KCNK2: variants seen among roughly 807,000 people sequenced by gnomAD.
KCNK2 encodes potassium channel subfamily K member 2.
KCNK2 carries 21 observed loss-of-function variants against 40.5 expected under a neutral mutation model. That is an observed-to-expected ratio of 0.52 (90% CI 0.37 to 0.75). The LOEUF is 0.75. KCNK2 is among the 30% of genes least tolerant of loss of function. The pLI is 0.00. For missense variants in KCNK2, 399 were observed against 531.6 expected, an observed-to-expected ratio of 0.75 and a Z score of 2.45; for synonymous variants, 191 against 202.2, an observed-to-expected ratio of 0.94 and a Z score of 0.47.
At chr1:215,035,145 G>A (rs1224174691) in intron 1 of KCNK2, among the ~76,000 whole-genome samples, 1 of 152,074 alleles carries the variant, frequency 6.6e-6, no homozygotes, top group Non-Finnish European at 1.5e-5. Context: ...ATAGTATCCA[G>A]TAAAAACAAT....
chr1:215,086,712 C>T lies in KCNK2; in HGVS notation c.357+34C>T. 3 of 1,575,938 alleles carry T rather than the reference C, an allele frequency of 1.9e-6. No homozygotes were observed. In the African/African-American group the frequency reaches 4.0e-5, roughly 21 times the overall value. ...ATGGGAGGAGTTGTTACTCTGTTCC[C>T]CCAAATGGGAAATAAAGTGATAGGA... is the stretch of plus-strand genomic sequence containing the variant. On this transcript the variant is annotated intron_variant, in intron 2 of 6. Coordinates refer to ENST00000444842, the MANE Select transcript of KCNK2 (RefSeq NM_001017425.3).
intron 1 of KCNK2, among the ~76,000 whole-genome samples, chr1:215,056,615 C>CTTTTTTTTTT (rs34925678): frequency 1.9e-5 from 2 of 103,978 alleles, no homozygotes; most frequent in East Asian, 2.9e-4. Flanking sequence ...TGTGTCCACT[C>CTTTTTTTTTT]TTTTTTTTTT....
At chr1:215,211,566 GA>G (rs1430099799) in intron 6 of KCNK2, among the ~76,000 whole-genome samples, 4 of 152,192 alleles carry the variant, frequency 2.6e-5, no homozygotes, top group Non-Finnish European at 4.4e-5. Context: ...TCTCTTCCTA[GA>G]AAGTATTTCT....
chr1:215,140,794 T>G (rs940273248), intron 3 of KCNK2, among the ~76,000 whole-genome samples: 6 of 152,138 alleles, frequency 3.9e-5, no homozygotes, highest in Non-Finnish European at 7.4e-5. Flanking sequence ...TCACTTAGGC[T>G]GCACTAAATT....
intron 1 of KCNK2, among the ~76,000 whole-genome samples, chr1:215,071,511 G>A (rs1658756584): frequency 6.6e-6 from 1 of 152,106 alleles, no homozygotes; most frequent in Non-Finnish European, 1.5e-5. Context: ...GCTGTTGCAG[G>A]ACTAGAAACA....
intron 1 of KCNK2, among the ~76,000 whole-genome samples, chr1:215,029,015 G>A (rs12046194): frequency 0.25 from 38,269 of 151,088 alleles, 5,767 homozygotes; most frequent in South Asian, 0.53. Context: ...ATTCACTGAA[G>A]GGTACAGAAA....
rs1666921285 is a variant in KCNK2, at chr1:215,236,911, T to C, written c.*1766T>C. ...CTAGAAATGTAAATATTCAATTAAT[T>C]TGTTAAAAGTACTTTTATAAAGTTA... On this transcript the variant is annotated 3_prime_UTR_variant, in exon 7 of 7. Transcript: ENST00000444842. 6.6e-6 allele frequency: 1 copy of C among 152,482 alleles called. No individual in the cohort carries two copies. The highest frequency in any genetic ancestry group is 1.5e-5 in the Non-Finnish European group (1 of 68,008). 9.4% of individuals were successfully genotyped at this position (152,482 alleles called of 1,614,324 possible).
chr1:215,037,962 AC>A (rs1351419671), intron 1 of KCNK2, among the ~76,000 whole-genome samples: 1 of 151,836 alleles, frequency 6.6e-6, no homozygotes, highest in Non-Finnish European at 1.5e-5. Flanking sequence ...CTTGAGATAT[AC>A]CTTAGGTGGT....
At chr1:215,153,007 T>G (rs946034881) in intron 3 of KCNK2, among the ~76,000 whole-genome samples, 5 of 152,178 alleles carry the variant, frequency 3.3e-5, no homozygotes, top group Non-Finnish European at 7.4e-5. Flanking sequence ...GAACTTCCTA[T>G]TAGTCAAATA....
intron 3 of KCNK2, among the ~76,000 whole-genome samples, chr1:215,145,601 G>A (rs1662380656): frequency 6.6e-6 from 1 of 152,086 alleles, no homozygotes; most frequent in Non-Finnish European, 1.5e-5. Flanking sequence ...AGGACAATTT[G>A]ATGACAGAGG....
At chr1:215,007,224 T>C (rs1006376890) in intron 1 of KCNK2, among the ~76,000 whole-genome samples, 2 of 107,006 alleles carry the variant, frequency 1.9e-5, no homozygotes, top group Non-Finnish European at 3.8e-5. Flanking sequence ...TATATATATA[T>C]ATAGGCTCAT....
intron 2 of KCNK2, among the ~76,000 whole-genome samples, chr1:215,094,678 A>G (rs1339010790): frequency 6.6e-6 from 1 of 152,128 alleles, no homozygotes; most frequent in African/African-American, 2.4e-5. Flanking sequence ...TTTATTAATA[A>G]TTAGGTTTTT....
At chr1:215,209,994 TA>T (rs1665644934) in intron 6 of KCNK2, among the ~76,000 whole-genome samples, 6 of 3,370 alleles carry the variant, frequency 1.8e-3, no homozygotes, top group Non-Finnish European at 0.011. Context: ...ATATAATATA[TA>T]ATATATATTA....
chr1:215,070,620 C>G (rs567947550), intron 1 of KCNK2, among the ~76,000 whole-genome samples: 1 of 151,954 alleles, frequency 6.6e-6, no homozygotes, highest in Non-Finnish European at 1.5e-5. Flanking sequence ...TTCACTATCA[C>G]GAGAACAGCA....
intron 2 of KCNK2, among the ~76,000 whole-genome samples, chr1:215,120,885 T>C (rs1248503658): frequency 6.6e-6 from 1 of 152,208 alleles, no homozygotes; most frequent in Non-Finnish European, 1.5e-5. Context: ...TCCAAAGTTA[T>C]TTTTTAGTTT....
intron 1 of KCNK2, among the ~76,000 whole-genome samples, chr1:215,047,842 A>T (rs557946798): frequency 6.6e-6 from 1 of 152,200 alleles, no homozygotes; most frequent in Non-Finnish European, 1.5e-5. Flanking sequence ...TATAGATAGA[A>T]CTCTGTGAAT....
intron 1 of KCNK2, among the ~76,000 whole-genome samples, chr1:215,034,754 A>AT (rs919155097): frequency 1.3e-5 from 2 of 151,998 alleles, no homozygotes. Flanking sequence ...TCATTGATCT[A>AT]TTTTTTATCT....
intron 1 of KCNK2, among the ~76,000 whole-genome samples, chr1:215,007,897 A>G (rs1656242051): frequency 6.6e-6 from 1 of 152,188 alleles, no homozygotes. Context: ...TGTTCAGTCT[A>G]TTACAGTAAA....
At chr1:215,099,593 T>C (rs1249378502) in intron 2 of KCNK2, among the ~76,000 whole-genome samples, 1 of 151,876 alleles carries the variant, frequency 6.6e-6, no homozygotes, top group Non-Finnish European at 1.5e-5. Context: ...TCTTTGGTGA[T>C]GCGGCAGTGA....
Sources: allele counts gnomAD v4.1 joint callset (sites outside exome capture counted in the v4.1 genomes callset), GRCh38; gene constraint gnomAD v4.1.1; transcripts MANE v1.5; gene names NCBI Gene and HGNC (gene_info 2026-07-23, HGNC 2026-07-21).